Variants in NCAM1 observed in about 807,000 individuals in gnomAD.
The protein encoded by NCAM1 is neural cell adhesion molecule 1, also known as antigen recognized by monoclonal antibody 5.1H11.
Under a neutral mutation model 109.8 loss-of-function variants are expected in NCAM1, and 14 were observed. The ratio of observed to expected loss-of-function variants is 0.13; its 90% CI spans 0.08 to 0.20. The LOEUF (loss-of-function observed/expected upper bound fraction) is 0.20, where lower values mean the gene tolerates loss of function less well. NCAM1 is among the 10% of genes least tolerant of loss of function. The pLI is 1.00. For synonymous variants in NCAM1, 418 were observed against 442.9 expected (o/e 0.94, Z 0.70); for missense variants, 774 against 1,109.9 (o/e 0.70, Z 4.30).
chr11:113,157,836 C>T (rs1173738215), intron 1 of NCAM1, among the ~76,000 whole-genome samples: 1 of 151,982 alleles, frequency 6.6e-6, no homozygotes, highest in Non-Finnish European at 1.5e-5. Context: ...AACCGATTCT[C>T]CTATCTACTT....
intron 1 of NCAM1, among the ~76,000 whole-genome samples, chr11:113,163,629 T>A (rs1043248547): frequency 4.6e-5 from 7 of 151,962 alleles, no homozygotes; most frequent in Non-Finnish European, 8.8e-5. Flanking sequence ...CAGTAGGGAG[T>A]GCCCTTTGCT....
chr11:113,083,537 T>C (rs1555087686), intron 1 of NCAM1, among the ~76,000 whole-genome samples: 1 of 152,198 alleles, frequency 6.6e-6, no homozygotes, highest in East Asian at 1.9e-4. Flanking sequence ...TTGCGTGTAA[T>C]GGAGATGCCC....
intron 1 of NCAM1, among the ~76,000 whole-genome samples, chr11:113,111,119 T>C (rs1940427153): frequency 6.6e-6 from 1 of 152,196 alleles, no homozygotes. Flanking sequence ...CTGTAGCTGA[T>C]TGTCCATTAC....
At chr11:113,171,612 C>T (rs573229503) in intron 1 of NCAM1, among the ~76,000 whole-genome samples, 43 of 151,138 alleles carry the variant, frequency 2.8e-4, no homozygotes, top group East Asian at 7.8e-4. Context: ...GCAGCCTAGG[C>T]GACAGAGTGA....
intron 1 of NCAM1, among the ~76,000 whole-genome samples, chr11:113,165,295 G>A (rs952062631): frequency 1.3e-5 from 2 of 152,136 alleles, no homozygotes; most frequent in African/African-American, 4.8e-5. Context: ...TTTGGAAAAG[G>A]CCAATCGCTT....
intron 1 of NCAM1, among the ~76,000 whole-genome samples, chr11:113,078,385 G>GTT (rs112687073): frequency 1.4e-5 from 2 of 146,652 alleles, no homozygotes; most frequent in African/African-American, 5.0e-5. Context: ...AGACCCTTTT[G>GTT]TTTTTTTTTT....
At chr11:113,155,572 T>G (rs1942380733) in intron 1 of NCAM1, among the ~76,000 whole-genome samples, 1 of 149,620 alleles carries the variant, frequency 6.7e-6, no homozygotes, top group Admixed American at 6.7e-5. Flanking sequence ...AGGTAAGGAG[T>G]TGCTAAGGTA....
rs1555067039 is a variant in NCAM1, at chr11:112,972,687, G to A, written c.52+11023G>A. Among the ~76,000 whole-genome samples the A allele has an allele frequency of 2.6e-5, 4 of 152,134 alleles. No individual in the cohort carries two copies. In the East Asian group the frequency reaches 7.7e-4, roughly 29 times the overall value. ...GTAAAAACAAGGGCAGCAGTACTAA[G>A]GGTGGTTAAAAGTATAAAGTAGGTG... On this transcript the variant is annotated intron_variant, in intron 1 of 19. Coordinates refer to ENST00000316851, the MANE Select transcript of NCAM1 (RefSeq NM_181351.5).
At chr11:113,247,421 G>A (rs556576904) in intron 15 of NCAM1, among the ~76,000 whole-genome samples, 8 of 152,232 alleles carry the variant, frequency 5.3e-5, no homozygotes, top group East Asian at 3.9e-4. Flanking sequence ...CTGATTGGGC[G>A]ACATCCACAC....
intron 1 of NCAM1, among the ~76,000 whole-genome samples, chr11:112,978,694 G>C (rs1555068111): frequency 6.6e-6 from 1 of 151,772 alleles, no homozygotes; most frequent in Non-Finnish European, 1.5e-5. Context: ...CTTTGGACTG[G>C]TTTAATATAC....
At chr11:113,220,600 C>CTTTTTTTTTTTTTTTTTTTTTTTTTTT (rs1336984958) in intron 8 of NCAM1, among the ~76,000 whole-genome samples, 1 of 102,376 alleles carries the variant, frequency 9.8e-6, no homozygotes, top group Non-Finnish European at 1.8e-5. Context: ...CTCTCTCTCT[C>CTTTTTTTTTTTTTTTTTTTTTTTTTTT]TCTTTTTTTT....
At chr11:113,226,598 A>G (rs539452683) in intron 9 of NCAM1, among the ~76,000 whole-genome samples, 1 of 152,164 alleles carries the variant, frequency 6.6e-6, no homozygotes, top group East Asian at 1.9e-4. Context: ...CATCTACAGA[A>G]CTCTCCACCC....
At position 113,270,345 on chromosome 11, in the gene NCAM1, C is replaced by T. The variant is rs551421925; in HGVS notation, c.2289C>T (p.Ala763=). 7.7e-5 allele frequency: 124 copies of T among 1,613,992 alleles called. No homozygotes were observed. In the East Asian group the frequency reaches 7.8e-4, roughly 10 times the overall value. Residue 763 remains alanine (A), a synonymous_variant, in exon 18 of 20, where the codon GCC becomes GCT. Transcript: ENST00000316851. ...TTGCGGTCAACCTGTGTGGAAAAGC[C>T]GGGCCCGGGGCCAAGGGCAAGGACA... ...MCIAVNLCGK[A]GPGAKGKDME...
At chr11:113,080,987 G>A (rs12794745) in intron 1 of NCAM1, among the ~76,000 whole-genome samples, 7 of 151,986 alleles carry the variant, frequency 4.6e-5, no homozygotes, top group Non-Finnish European at 8.8e-5. Context: ...TTAAGTTGCC[G>A]TCTGACAATC....
At chr11:113,058,679 C>T (rs1555082987) in intron 1 of NCAM1, among the ~76,000 whole-genome samples, 1 of 152,160 alleles carries the variant, frequency 6.6e-6, no homozygotes, top group African/African-American at 2.4e-5. Flanking sequence ...TTCTTCTTGA[C>T]CTTTAAAAAA....
intron 1 of NCAM1, among the ~76,000 whole-genome samples, chr11:113,104,069 C>A (rs191208441): frequency 1.3e-5 from 2 of 151,998 alleles, no homozygotes; most frequent in Non-Finnish European, 2.9e-5. Flanking sequence ...CTTCTGATCT[C>A]TTCTCTTTTT....
intron 1 of NCAM1, among the ~76,000 whole-genome samples, chr11:112,996,494 T>C (rs561026227): frequency 6.6e-6 from 1 of 152,338 alleles, no homozygotes; most frequent in East Asian, 1.9e-4. Context: ...AATTGGCTTG[T>C]TTCTAATTGT....
chr11:113,119,016 T>C (rs1555095503), intron 1 of NCAM1, among the ~76,000 whole-genome samples: 1 of 151,896 alleles, frequency 6.6e-6, no homozygotes, highest in Non-Finnish European at 1.5e-5. Flanking sequence ...CATTAAAAGA[T>C]TTCTCTTTAT....
Position 113,235,273 on chromosome 11 carries a change from T to G in NCAM1, c.1825+109T>G, listed in dbSNP as rs1591444655. 5 of 1,602,864 alleles carry G rather than the reference T, an allele frequency of 3.1e-6. No individual in the cohort carries two copies. The East Asian group carries it at 1.1e-4, about 36-fold the overall frequency. ...ATTGTTCAGACCACAGCTTTTTGTC[T>G]TTCAGATCCCTCTGCTCCTGGAGGC... is the stretch of plus-strand genomic sequence containing the variant. On this transcript the variant is annotated intron_variant, in intron 14 of 19. Transcript: ENST00000316851.
Sources: allele counts gnomAD v4.1 joint callset (sites outside exome capture counted in the v4.1 genomes callset), GRCh38; gene constraint gnomAD v4.1.1; transcripts MANE v1.5; gene names NCBI Gene and HGNC (gene_info 2026-07-23, HGNC 2026-07-21).